Variants in PIGQ observed in about 807,000 individuals in gnomAD.
The protein encoded by PIGQ is phosphatidylinositol N-acetylglucosaminyltransferase subunit Q.
Under a neutral mutation model 60.3 loss-of-function variants are expected in PIGQ, and 54 were observed. The ratio of observed to expected loss-of-function variants is 0.90; its 90% confidence interval spans 0.72 to 1.12. The LOEUF (loss-of-function observed/expected upper bound fraction) is 1.12. Ranked by LOEUF, PIGQ falls within the 50% of genes most tolerant of loss-of-function variation. PIGQ has a pLI of 0.00. For synonymous variants in PIGQ, 416 were observed against 363.7 expected (o/e 1.14, Z -1.64); for missense variants, 799 against 793.5 (o/e 1.01, Z -0.08).
At position 574,638 on chromosome 16, in the gene PIGQ, G is replaced by A. The variant is rs1055851051; in HGVS notation, c.564G>A (p.Leu188=). The change falls in exon 2 of 11, where the codon CTG becomes CTA. Residue 188 remains leucine (L), a synonymous_variant. Coordinates refer to ENST00000321878, the MANE Select transcript of PIGQ (RefSeq NM_004204.5). ...GCTTTGATGAGGGCCCCGTGCGGCT[G>A]AGCCACTGGCAGTCGGAGGGCGTGG... ...SDRFDEGPVR[L]SHWQSEGVEA... 1.9e-6 allele frequency: 3 copies of A among 1,608,158 alleles called. No homozygotes were observed. In the Admixed American group the frequency reaches 5.0e-5, roughly 27 times the overall value.
Position 582,945 on chromosome 16 carries a change from C to T in PIGQ, c.1656C>T (p.His552=). Residue 552 remains histidine (H), a synonymous_variant, in exon 11 of 11, where the codon CAC becomes CAT. Transcript: ENST00000321878. Reference sequence around the variant, plus strand: ...ACCGCCTCCCCAGCTGTGGCTGCCACCCCAAGCACTCCTGGGGCGCCCTGT... The same window carrying T: ...ACCGCCTCCCCAGCTGTGGCTGCCATCCCAAGCACTCCTGGGGCGCCCTGT... ...HTYRLPSCGC[H]PKHSWGALCR... is the part of the protein sequence containing the mutation. The T allele has an allele frequency of 6.2e-7, 1 of 1,612,888 alleles. No individual in the cohort carries two copies. Among genetic ancestry groups the T allele is most frequent in the Non-Finnish European group, 8.5e-7 (1 of 1,179,902 alleles).
At chr16:580,434 C>T in intron 8 of PIGQ, 171 bp downstream of exon 8, 1 of 574,476 alleles carries the variant, frequency 1.7e-6, no homozygotes, top group Non-Finnish European at 3.1e-6. Context: ...TGGGCGAGGC[C>T]CTATCCTGGC....
chr16:583,058 A>T lies in PIGQ; in HGVS notation c.*23A>T. The stretch of plus-strand genomic sequence containing the variant: ...TGAGGGAACTGCTGGCTCGCCTGGC[A>T]CCACCACACGGCCACAGCCAGCCAT... On this transcript the variant is annotated 3_prime_UTR_variant, in exon 11 of 11. Transcript: ENST00000321878. 6.2e-7 allele frequency: 1 copy of T among 1,612,838 alleles called. No homozygotes were observed. Among genetic ancestry groups the T allele is most frequent in the Non-Finnish European group, 8.5e-7 (1 of 1,179,898 alleles).
At chr16:582,608 CTGAG>C (rs2035831307) in intron 10 of PIGQ, 2 of 576,270 alleles carry the variant, frequency 3.5e-6, no homozygotes, top group South Asian at 2.3e-5. Flanking sequence ...ACAGAACCGA[CTGAG>C]TGAGTCCTGG....
Position 578,424 on chromosome 16 carries a change from G to T in PIGQ, c.988G>T (p.Ala330Ser). 6.2e-7 allele frequency: 1 copy of T among 1,612,272 alleles called. No individual in the cohort carries two copies. The change falls in exon 5 of 11, where the codon GCT becomes TCT. Residue 330 changes from alanine to serine, a missense_variant. Transcript: ENST00000321878. ...LQHLLQWLMG[A>S]PAGLKMNRAL... ...GCATCTGCTGCAGTGGCTGATGGGT[G>T]CTCCCGCCGGGCTCAAGATGAACCG... is the stretch of plus-strand genomic sequence containing the variant.
intron 1 of PIGQ, among the ~76,000 whole-genome samples, chr16:572,250 G>A (rs779962779): frequency 4.6e-5 from 7 of 152,178 alleles, no homozygotes; most frequent in Non-Finnish European, 1.5e-5. Flanking sequence ...GATGTCCTTG[G>A]TGCCTCACGT....
chr16:572,689 C>T (rs1455242474), intron 1 of PIGQ: 1 of 455,920 alleles, frequency 2.2e-6, no homozygotes, highest in Non-Finnish European at 4.4e-6. Flanking sequence ...GCGTGGTGGG[C>T]ACTGGGACCT....
chr16:570,011 C>G lies in PIGQ; in HGVS notation c.-95C>G, dbSNP rs942103869. The G allele has an allele frequency of 7.4e-5, 11 of 149,448 alleles. No homozygotes were observed. Among genetic ancestry groups the G allele is most frequent in the African/African-American group, 2.7e-4 (11 of 41,162 alleles). The allele number at this position is 149,448 out of a possible 1,614,324, so 9.3% of individuals were successfully genotyped here. A position where few individuals can be genotyped will look rare whatever the true frequency, so the allele number is the denominator to read the frequency against. ...CCGCGGCGGGGCTGGAGGCAGCGAG[C>G]GCCGTCGTCTGCCCGGGCCCGCCCA... is the stretch of plus-strand genomic sequence containing the variant. On this transcript the variant is annotated 5_prime_UTR_variant, in exon 1 of 11. Coordinates refer to ENST00000321878, the MANE Select transcript of PIGQ (RefSeq NM_004204.5).
chr16:576,812 C>A, intron 4 of PIGQ: 1 of 327,630 alleles, frequency 3.1e-6, no homozygotes. Context: ...TAGTGCATTT[C>A]CATGCTGCCT....
chr16:577,571 C>T (rs946307325), intron 4 of PIGQ, among the ~76,000 whole-genome samples: 4 of 139,294 alleles, frequency 2.9e-5, no homozygotes, highest in East Asian at 2.2e-4. Context: ...AACAAGACTC[C>T]GTCTCAGAAA....
At chr16:580,734 G>A in intron 8 of PIGQ, 124 bp from the exon 9 acceptor site, 1 of 697,190 alleles carries the variant, frequency 1.4e-6, no homozygotes, top group Non-Finnish European at 2.6e-6. Context: ...TCAGGGTGGG[G>A]TCCCTGCTCT....
intron 9 of PIGQ, 110 bp from the exon 10 acceptor site, chr16:582,138 C>G: frequency 1.2e-6 from 1 of 816,836 alleles, no homozygotes; most frequent in African/African-American, 1.7e-5. Context: ...TGGGTGGCCA[C>G]GGCCAGCAGC....
Position 576,203 on chromosome 16 carries a change from C to A in PIGQ, c.891C>A (p.His297Gln). Residue 297 changes from histidine (H) to glutamine (Q), a missense_variant, in exon 4 of 11, where the codon CAC becomes CAA. His to Gln is a conservative substitution (Grantham distance 24). Transcript: ENST00000321878. ...ALGLMLLSWLHGRSRIGHLAD... is the reference protein window; with the variant it reads ...ALGLMLLSWLQGRSRIGHLAD... ...GCCTCATGCTGCTGTCCTGGCTCCA[C>A]GGGAGAAGCCGCATCGGGCATCTGG... The A allele has an allele frequency of 6.5e-7, 1 of 1,550,350 alleles. No homozygotes were observed. Among genetic ancestry groups the A allele is most frequent in the Non-Finnish European group, 8.7e-7 (1 of 1,147,186 alleles).
chr16:573,809 T>C (rs1028046494), intron 1 of PIGQ, among the ~76,000 whole-genome samples: 5 of 152,084 alleles, frequency 3.3e-5, no homozygotes, highest in African/African-American at 9.7e-5. Context: ...TGCATGTGCG[T>C]CCTGCCTCGT....
At chr16:571,055 G>GGGGGGGCTAGCCT (rs2035610474) in intron 1 of PIGQ, among the ~76,000 whole-genome samples, 1 of 21,710 alleles carries the variant, frequency 4.6e-5, no homozygotes, top group African/African-American at 2.0e-4. Flanking sequence ...GTGTGTGTGT[G>GGGGGGGCTAGCCT]TGTGTGTGTG....
Position 579,168 on chromosome 16 carries a change from T to C in PIGQ, c.1323T>C (p.Tyr441=). The change falls in exon 7 of 11, where the codon TAT becomes TAC. Residue 441 remains tyrosine (Y), a synonymous_variant. Coordinates refer to ENST00000321878, the MANE Select transcript of PIGQ (RefSeq NM_004204.5). ...GCCAGCGCGTGGACTCCTGTTCCTA[T>C]GACCTGGACCAGGTATGGGGCAGGG... ...VLRQRVDSCS[Y]DLDQLFIGTL... 1 of 1,612,078 alleles carries C rather than the reference T, an allele frequency of 6.2e-7. No homozygotes were observed. The highest frequency in any genetic ancestry group is 1.3e-5 in the African/African-American group (1 of 75,018).
At position 583,742 on chromosome 16, in the gene PIGQ, G is replaced by A. The variant is rs771605565; in HGVS notation, c.*707G>A. Reference sequence around the variant, plus strand: ...CCAGCCGTACCTATTCGTCCACGGTGCCCCGTAGCAGCAGGTCCTGCGGCC... The same window carrying A: ...CCAGCCGTACCTATTCGTCCACGGTACCCCGTAGCAGCAGGTCCTGCGGCC... On this transcript the variant is annotated 3_prime_UTR_variant, in exon 11 of 11. Transcript: ENST00000321878. 2.3e-6 allele frequency: 3 copies of A among 1,315,284 alleles called. No individual in the cohort carries two copies. Among genetic ancestry groups the A allele is most frequent in the East Asian group, 2.3e-5 (1 of 42,970 alleles). 81.5% of individuals were successfully genotyped at this position (1,315,284 alleles called of 1,614,324 possible). A position where few individuals can be genotyped will look rare whatever the true frequency, so the allele number is the denominator to read the frequency against.
At chr16:581,193 G>T in intron 9 of PIGQ, 1 of 1,432,084 alleles carries the variant, frequency 7.0e-7, no homozygotes, top group Non-Finnish European at 9.2e-7. Context: ...CTCACCTGCC[G>T]CGCAGGTTCA....
Position 583,239 on chromosome 16 carries a change from G to T in PIGQ, c.*204G>T. The T allele has an allele frequency of 6.2e-7, 1 of 1,612,872 alleles. No individual in the cohort carries two copies. ...GTGGGGGTGGCCAGCCAGGCTGGCC[G>T]CACTCCATCACTGGCACTGCCTGCC... On this transcript the variant is annotated 3_prime_UTR_variant, in exon 11 of 11. Coordinates refer to ENST00000321878, the MANE Select transcript of PIGQ (RefSeq NM_004204.5).
Sources: allele counts gnomAD v4.1 joint callset (sites outside exome capture counted in the v4.1 genomes callset), GRCh38; gene constraint gnomAD v4.1.1; transcripts MANE v1.5; gene names NCBI Gene and HGNC (gene_info 2026-07-23, HGNC 2026-07-21).